The following IL18BP variants were observed in gnomAD, a reference collection of about 807,000 sequenced individuals.
IL18BP encodes the protein interleukin 18 binding protein.
Under a neutral mutation model 19.9 loss-of-function variants are expected in IL18BP, and 23 were observed. The ratio of observed to expected loss-of-function variants is 1.15; its 90% confidence interval spans 0.83 to 1.64. IL18BP has a LOEUF of 1.64. Among genes scored for constraint, IL18BP ranks in the 40% most tolerant of loss-of-function variants. The pLI is 0.00. For synonymous variants in IL18BP, 107 were observed against 101.0 expected (o/e 1.06, Z -0.35); for missense variants, 239 against 240.7 (o/e 0.99, Z 0.05).
chr11:72,007,141 G>A (rs1227254597), downstream of IL18BP: 4 of 1,594,822 alleles, frequency 2.5e-6, no homozygotes, highest in African/African-American at 4.0e-5. Flanking sequence ...ATGCCCTTGA[G>A]AGGAAGTGGG....
chr11:72,004,436 G>A (rs1180517796), downstream of IL18BP: 76 of 1,275,536 alleles, frequency 6.0e-5, no homozygotes, highest in Non-Finnish European at 5.0e-5. Flanking sequence ...GACCTTGTAA[G>A]TCAACGTGCA....
At chr11:72,007,453 G>A (rs1955814448), downstream of IL18BP, 1 of 1,612,116 alleles carries the variant, frequency 6.2e-7, no homozygotes, top group South Asian at 1.1e-5. Flanking sequence ...AAGGAAACCT[G>A]CTGAGGTACA....
intron 3 of IL18BP, among the ~76,000 whole-genome samples, chr11:72,000,914 G>A (rs981817059): frequency 2.6e-5 from 4 of 152,216 alleles, no homozygotes; most frequent in African/African-American, 9.6e-5. Context: ...GGGCTCCCAA[G>A]TCACCGAGGC....
chr11:72,001,682 A>C, intron 5 of IL18BP, 102 bp from the exon 6 acceptor site: 1 of 1,611,366 alleles, frequency 6.2e-7, no homozygotes, highest in Non-Finnish European at 8.5e-7. Flanking sequence ...AGCCAGACAA[A>C]AAGGAACTTA....
At chr11:72,005,818 G>T, downstream of IL18BP, 1 of 569,512 alleles carries the variant, frequency 1.8e-6, no homozygotes, top group South Asian at 2.3e-5. Context: ...TGGGAATCCC[G>T]GGCCCTTAAC....
chr11:72,000,424 G>C lies in IL18BP; in HGVS notation c.102G>C (p.Ser34=). 1 of 1,614,002 alleles carries C rather than the reference G, an allele frequency of 6.2e-7. No individual in the cohort carries two copies. Among genetic ancestry groups the C allele is most frequent in the South Asian group, 1.1e-5 (1 of 91,080 alleles). Residue 34 remains serine, a synonymous_variant, in exon 3 of 6, where the codon TCG becomes TCC. Coordinates refer to ENST00000393703, the MANE Select transcript of IL18BP (RefSeq NM_001039660.2). ...TCCTGGTCAGAGCCACACCTGTCTC[G>C]CAGACCACCACAGCTGCCACTGCCT... ...VTLLVRATPV[S]QTTTAATASV...
chr11:72,001,153 G>C (rs755902798), intron 3 of IL18BP, 48 bp from the exon 4 acceptor site: 1 of 1,610,630 alleles, frequency 6.2e-7, no homozygotes, highest in South Asian at 1.1e-5. Flanking sequence ...AGCAGGGTAG[G>C]GGAAGGGCCT....
chr11:72,003,909 G>A (rs1368647971), downstream of IL18BP: 3 of 1,613,652 alleles, frequency 1.9e-6, no homozygotes, highest in Non-Finnish European at 1.7e-6. Flanking sequence ...TCGAGGGGTG[G>A]CACCAATGGC....
chr11:72,000,552 C>A lies in IL18BP; in HGVS notation c.230C>A (p.Pro77Gln), dbSNP rs1188033216. The A allele has an allele frequency of 1.2e-6, 2 of 1,609,734 alleles. No homozygotes were observed. The highest frequency in any genetic ancestry group is 2.7e-5 in the African/African-American group (2 of 74,910). The change falls in exon 3 of 6, where the codon CCA becomes CAA. Residue 77 changes from proline (P) to glutamine (Q), a missense_variant. Physicochemically the swap from Pro to Gln is moderately conservative, Grantham distance 76. Transcript: ENST00000393703. Reference sequence around the variant, plus strand: ...GTGACCTGGCCAGAGGTGGAAGTGCCACTGAGTAAGAAGCACAGTGGTGGA... The same window carrying A: ...GTGACCTGGCCAGAGGTGGAAGTGCAACTGAGTAAGAAGCACAGTGGTGGA... ...LEVTWPEVEVPLNGTLSLSCV... is the reference protein window; with the variant it reads ...LEVTWPEVEVQLNGTLSLSCV...
intron 1 of IL18BP, 195 bp from the exon 2 acceptor site, chr11:71,999,732 A>C (rs1955109085): frequency 1.9e-6 from 1 of 527,568 alleles, no homozygotes; most frequent in Non-Finnish European, 3.4e-6. Flanking sequence ...TGGACTAGGT[A>C]AGCATCTTAC....
At chr11:72,006,403 C>T, downstream of IL18BP, 3 of 679,784 alleles carry the variant, frequency 4.4e-6, no homozygotes, top group South Asian at 4.2e-5. Context: ...AAGTGTGTGT[C>T]TGCAAGAAAT....
In IL18BP at chr11:72,000,028, A is replaced by G. The variant is rs1222095976; in HGVS notation, c.28+16A>G. ...TGGACACCAGGTAGGCCTTGGGGCT[A>G]CGCATGGGCAGGCGGGGTAGGGTGA... On this transcript the variant is annotated intron_variant, in intron 2 of 5. Coordinates refer to ENST00000393703, the MANE Select transcript of IL18BP (RefSeq NM_001039660.2). 4 of 1,613,668 alleles carry G rather than the reference A, an allele frequency of 2.5e-6. No individual in the cohort carries two copies. Among genetic ancestry groups the G allele is most frequent in the East Asian group, 2.2e-5 (1 of 44,898 alleles).
chr11:72,000,060 T>G, intron 2 of IL18BP, 48 bp downstream of exon 2: 1 of 1,603,700 alleles, frequency 6.2e-7, no homozygotes, highest in South Asian at 1.1e-5. Flanking sequence ...GTGAGGTCTA[T>G]GAACAGAATG....
chr11:72,001,156 A>C, intron 3 of IL18BP, 45 bp from the exon 4 acceptor site: 1 of 1,611,294 alleles, frequency 6.2e-7, no homozygotes, highest in Non-Finnish European at 8.5e-7. Context: ...AGGGTAGGGG[A>C]AGGGCCTGCT....
chr11:71,999,562 G>A, intron 1 of IL18BP: 1 of 220,596 alleles, frequency 4.5e-6, no homozygotes, highest in Non-Finnish European at 9.2e-6. Context: ...AAGTGAAATA[G>A]AGGGTCGGGG....
chr11:72,004,923 C>T (rs1955585355), downstream of IL18BP: 2 of 1,134,734 alleles, frequency 1.8e-6, no homozygotes, highest in African/African-American at 1.6e-5. Context: ...TGGTCGGGAC[C>T]CTTCCTGCCT....
downstream of IL18BP, chr11:72,003,586 C>G: frequency 6.2e-7 from 1 of 1,612,602 alleles, no homozygotes; most frequent in Non-Finnish European, 8.5e-7. Flanking sequence ...GCGATACTAG[C>G]CTGCACCCAC....
chr11:72,004,274 T>C (rs753891955), downstream of IL18BP: 12 of 1,613,476 alleles, frequency 7.4e-6, no homozygotes, highest in Non-Finnish European at 1.0e-5. Flanking sequence ...AGTAGTGCTC[T>C]GTTTGCGCCC....
At chr11:72,007,456 G>T, downstream of IL18BP, 1 of 1,611,986 alleles carries the variant, frequency 6.2e-7, no homozygotes, top group South Asian at 1.1e-5. Flanking sequence ...GAAACCTGCT[G>T]AGGTACAGTC....
Sources: gnomAD v4.1 joint callset for allele counts (sites outside exome capture counted in the v4.1 genomes callset) on GRCh38, gnomAD v4.1.1 for gene constraint, MANE v1.5 for transcripts, NCBI Gene and HGNC (gene_info 2026-07-23, HGNC 2026-07-21) for gene names.